Variants in SORCS2 observed in about 807,000 individuals in gnomAD.
The protein encoded by SORCS2 is VPS10 domain-containing receptor SorCS2.
A neutral mutation model predicts 141.6 loss-of-function variants in SORCS2; 100 were observed. The observed-to-expected ratio is 0.71, with a 90% CI of 0.60 to 0.83. The LOEUF is 0.83. Ranked by LOEUF, SORCS2 falls within the 40% of genes least tolerant of loss-of-function variation. The pLI is 0.00. For missense variants in SORCS2, 1,646 were observed against 1,560.2 expected, an observed-to-expected ratio of 1.05 and a Z score of -0.93; for synonymous variants, 789 against 676.9, an observed-to-expected ratio of 1.17 and a Z score of -2.57.
chr4:7,346,338 A>T lies in SORCS2; in HGVS notation c.481-49950A>T, dbSNP rs1390041665. ...CTTTTGTTTATTTTTCAAATATTTGAGATTTTCCCAAATTTCTTTCTAATA... is the reference window on the plus strand; with the variant it reads ...CTTTTGTTTATTTTTCAAATATTTGTGATTTTCCCAAATTTCTTTCTAATA... On this transcript the variant is annotated intron_variant, in intron 1 of 26. Coordinates refer to ENST00000507866, the MANE Select transcript of SORCS2 (RefSeq NM_020777.3). 2.0e-5 allele frequency among the ~76,000 whole-genome samples: 3 copies of T among 152,128 alleles called. No individual in the cohort carries two copies. The South Asian group carries it at 6.2e-4, about 32-fold the overall frequency.
intron 3 of SORCS2, among the ~76,000 whole-genome samples, chr4:7,609,935 A>G (rs957534723): frequency 6.6e-6 from 1 of 151,950 alleles, no homozygotes; most frequent in African/African-American, 2.4e-5. Flanking sequence ...CGGGCACCCT[A>G]TTTTCCTTCA....
intron 2 of SORCS2, among the ~76,000 whole-genome samples, chr4:7,462,479 C>T (rs1729370210): frequency 6.6e-6 from 1 of 152,110 alleles, no homozygotes; most frequent in Non-Finnish European, 1.5e-5. Context: ...TGTGCAGAAG[C>T]CCAGATAAAA....
intron 1 of SORCS2, among the ~76,000 whole-genome samples, chr4:7,387,457 AC>A: frequency 6.8e-6 from 1 of 147,784 alleles, no homozygotes; most frequent in Admixed American, 6.7e-5. Context: ...ACACATGCAC[AC>A]ACAGATACAG....
chr4:7,591,904 C>G (rs182351263), intron 3 of SORCS2, among the ~76,000 whole-genome samples: 2 of 152,198 alleles, frequency 1.3e-5, no homozygotes, highest in Admixed American at 1.3e-4. Flanking sequence ...GCTTGTGTGT[C>G]AGCCTCCATG....
intron 1 of SORCS2, among the ~76,000 whole-genome samples, chr4:7,349,885 A>G (rs1487210232): frequency 6.6e-6 from 1 of 150,614 alleles, no homozygotes; most frequent in Non-Finnish European, 1.5e-5. Flanking sequence ...GGATGAAACA[A>G]CTCTCCCAAG....
chr4:7,556,745 C>T (rs544201543), intron 3 of SORCS2, among the ~76,000 whole-genome samples: 14 of 150,578 alleles, frequency 9.3e-5, no homozygotes, highest in African/African-American at 3.4e-4. Flanking sequence ...CATGTGTCCA[C>T]CCATCTACCT....
At chr4:7,320,967 G>A (rs1015526546) in intron 1 of SORCS2, among the ~76,000 whole-genome samples, 2 of 150,080 alleles carry the variant, frequency 1.3e-5, no homozygotes, top group African/African-American at 4.9e-5. Context: ...TAGCTTTTGG[G>A]GGTATAAGTG....
intron 9 of SORCS2, among the ~76,000 whole-genome samples, chr4:7,681,121 C>T (rs1723499178): frequency 6.6e-6 from 1 of 152,170 alleles, no homozygotes. Flanking sequence ...ATGTATTTTA[C>T]TTGAAGACTG....
rs532215036 is a variant in SORCS2, at chr4:7,523,773, G to A, written c.549-7757G>A. The stretch of plus-strand genomic sequence containing the variant: ...CACCCAGCACTGAGCCCGGCGCCCC[G>A]CAGACACTCAGCCCGTCACTGGGGG... On this transcript the variant is annotated intron_variant, in intron 2 of 26. Coordinates refer to ENST00000507866, the MANE Select transcript of SORCS2 (RefSeq NM_020777.3). Among the ~76,000 whole-genome samples, 28 of 152,216 alleles carry A rather than the reference G, an allele frequency of 1.8e-4. No individual in the cohort carries two copies. In the South Asian group the frequency reaches 4.6e-3, roughly 25 times the overall value.
At chr4:7,425,759 C>G (rs1333943415) in intron 2 of SORCS2, among the ~76,000 whole-genome samples, 3 of 152,232 alleles carry the variant, frequency 2.0e-5, no homozygotes, top group Non-Finnish European at 4.4e-5. Flanking sequence ...ATTGCGAGTT[C>G]TCACATGACC....
chr4:7,632,889 A>G (rs1719990788), intron 3 of SORCS2, among the ~76,000 whole-genome samples: 1 of 152,098 alleles, frequency 6.6e-6, no homozygotes, highest in South Asian at 2.1e-4. Context: ...AAGGAGTGGA[A>G]TAACTCCCTA....
intron 1 of SORCS2, among the ~76,000 whole-genome samples, chr4:7,370,993 C>T (rs1358583406): frequency 1.3e-5 from 2 of 152,202 alleles, no homozygotes; most frequent in African/African-American, 2.4e-5. Context: ...CCCTGCTGGG[C>T]CCCACAGCAC....
chr4:7,266,156 G>T (rs966120756), intron 1 of SORCS2, among the ~76,000 whole-genome samples: 1 of 152,136 alleles, frequency 6.6e-6, no homozygotes, highest in Non-Finnish European at 1.5e-5. Context: ...TCCCTCACGA[G>T]TTGGGTCCAG....
In SORCS2 at chr4:7,563,878, T is replaced by C. The variant is rs538657655; in HGVS notation, c.648+32249T>C. On this transcript the variant is annotated intron_variant, in intron 3 of 26. Coordinates refer to ENST00000507866, the MANE Select transcript of SORCS2 (RefSeq NM_020777.3). ...GTTGCTTTTGACTATCGCTAAGCAA[T>C]GTAAGTGAGAACAATTGGGCTAAAA... is the stretch of plus-strand genomic sequence containing the variant. Among the ~76,000 whole-genome samples the C allele has an allele frequency of 5.3e-5, 8 of 152,296 alleles. No individual in the cohort carries two copies. In the East Asian group the frequency reaches 1.3e-3, roughly 26 times the overall value.
chr4:7,712,655 G>A (rs1490535429), intron 14 of SORCS2, 78 bp from the exon 15 acceptor site: 1 of 1,586,286 alleles, frequency 6.3e-7, no homozygotes. Context: ...ACAGAGTCCA[G>A]AGGGGACATG....
intron 2 of SORCS2, among the ~76,000 whole-genome samples, chr4:7,491,319 C>T (rs1731302629): frequency 6.6e-6 from 1 of 152,218 alleles, no homozygotes; most frequent in Non-Finnish European, 1.5e-5. Flanking sequence ...TGCTGGGTGG[C>T]CCTGAGGCTG....
chr4:7,387,991 C>G (rs1425795538), intron 1 of SORCS2, among the ~76,000 whole-genome samples: 1 of 151,498 alleles, frequency 6.6e-6, no homozygotes, highest in Non-Finnish European at 1.5e-5. Context: ...CACATGCACA[C>G]ATGCACACAC....
chr4:7,675,760 T>C lies in SORCS2; in HGVS notation c.1162-290T>C, dbSNP rs887669038. ...GGACGGATGGATGGACGGCCTGATG[T>C]GGGACCAGGAGGAGGAGGTGTCCCC... On this transcript the variant is annotated intron_variant, in intron 8 of 26. Coordinates refer to ENST00000507866, the MANE Select transcript of SORCS2 (RefSeq NM_020777.3). Among the ~76,000 whole-genome samples the C allele has an allele frequency of 4.9e-4, 74 of 152,296 alleles. 3 individuals are homozygous for C. Among genetic ancestry groups the C allele is most frequent in the Non-Finnish European group, 3.5e-4 (24 of 68,000 alleles).
intron 3 of SORCS2, among the ~76,000 whole-genome samples, chr4:7,587,683 G>A (rs1716629813): frequency 6.6e-6 from 1 of 152,100 alleles, no homozygotes; most frequent in Non-Finnish European, 1.5e-5. Context: ...GGAGGTAGGG[G>A]GCACAGCTGC....
Sources: allele counts gnomAD v4.1 joint callset (sites outside exome capture counted in the v4.1 genomes callset), GRCh38; gene constraint gnomAD v4.1.1; transcripts MANE v1.5; gene names NCBI Gene and HGNC (gene_info 2026-07-23, HGNC 2026-07-21).